The following FAM193A variants were observed in gnomAD, a reference collection of about 807,000 sequenced individuals.
The protein encoded by FAM193A is protein FAM193A.
FAM193A carries 22 observed loss-of-function variants against 126.5 expected under a neutral mutation model. The observed-to-expected ratio is 0.17, with a 90% confidence interval of 0.12 to 0.25. FAM193A has a LOEUF of 0.25. FAM193A is among the 10% of genes least tolerant of loss of function. The pLI, the probability that FAM193A is intolerant of heterozygous loss-of-function variation, is 1.00. For synonymous variants in FAM193A, 761 were observed against 646.8 expected, an observed-to-expected ratio of 1.18 and a Z score of -2.68; for missense variants, 1,675 against 1,672.8, an observed-to-expected ratio of 1.00 and a Z score of -0.02.
Position 2,651,468 on chromosome 4 carries a change from C to G in FAM193A, c.1311+4636C>G, listed in dbSNP as rs1202718124. On this transcript the variant is annotated intron_variant, in intron 7 of 20. Transcript: ENST00000637812. ...ATCATGGCGGAAGGAGAAGAAGAGG[C>G]AAGGCACGTCTTACACAGTGGCAGG... Among the ~76,000 whole-genome samples the G allele has an allele frequency of 4.6e-5, 7 of 152,146 alleles. No homozygotes were observed. The East Asian group carries it at 1.3e-3, about 29-fold the overall frequency.
At chr4:2,648,542 T>C (rs1157464825) in intron 7 of FAM193A, among the ~76,000 whole-genome samples, 1 of 152,224 alleles carries the variant, frequency 6.6e-6, no homozygotes, top group Non-Finnish European at 1.5e-5. Context: ...AGCGACTTCT[T>C]AGCCTGGACT....
chr4:2,671,236 C>G (rs187204849), intron 12 of FAM193A, among the ~76,000 whole-genome samples: 3 of 152,340 alleles, frequency 2.0e-5, no homozygotes, highest in Admixed American at 2.0e-4. Flanking sequence ...TTAAGAAGCC[C>G]TTCCGTGGCG....
At chr4:2,608,240 G>T (rs1741658664) in intron 2 of FAM193A, 1 of 886,428 alleles carries the variant, frequency 1.1e-6, no homozygotes, top group Non-Finnish European at 1.7e-6. Context: ...GTGCAGTGGT[G>T]CAATCCTGAT....
Position 2,689,621 on chromosome 4 carries a change from C to T in FAM193A, c.2447C>T (p.Ser816Phe). Residue 816 changes from serine to phenylalanine, a missense_variant, in exon 14 of 21, where the codon TCT (serine) becomes TTT (phenylalanine). This residue lies in a region of FAM193A where 1,186 missense variants were observed against 1,109.2 expected (regional missense o/e 1.07). Transcript: ENST00000637812. The part of the protein sequence containing the change: ...CFGNTPEWNS[S>F]KFISLWGSEV... ...GGGAATACTCCAGAGTGGAATAGTT[C>T]TAAATTTATAAGTCTTTGGGGATCA... is the stretch of plus-strand genomic sequence containing the variant. 6.4e-7 allele frequency: 1 copy of T among 1,571,940 alleles called. No homozygotes were observed. The highest frequency in any genetic ancestry group is 8.6e-7 in the Non-Finnish European group (1 of 1,164,894).
At chr4:2,549,335 A>G (rs1206318751) in intron 1 of FAM193A, among the ~76,000 whole-genome samples, 3 of 151,612 alleles carry the variant, frequency 2.0e-5, no homozygotes, top group Middle Eastern at 6.8e-3. Flanking sequence ...TGTCATTTCT[A>G]AGATCTCCAT....
In FAM193A at chr4:2,696,385, G is replaced by C; in HGVS notation, c.3299G>C (p.Arg1100Thr). 1 of 1,613,456 alleles carries C rather than the reference G, an allele frequency of 6.2e-7. No homozygotes were observed. The highest frequency in any genetic ancestry group is 8.5e-7 in the Non-Finnish European group (1 of 1,179,506). ...HGGPPAAPTS[R>T]NYAEMREKLR... is the part of the protein sequence containing the mutation. ...CAGCCTCCAGCTGCACCAACAAGTA[G>C]AAATTATGCAGAAATGAGGGAAAAG... is the stretch of plus-strand genomic sequence containing the variant. The change falls in exon 18 of 21, where the codon AGA becomes ACA. Residue 1100 changes from arginine to threonine, a missense_variant. Arg to Thr is a moderately conservative substitution (Grantham distance 71, BLOSUM62 -1). Transcript: ENST00000637812.
intron 13 of FAM193A, among the ~76,000 whole-genome samples, chr4:2,683,725 T>C (rs1376826445): frequency 1.3e-5 from 2 of 152,274 alleles, no homozygotes; most frequent in African/African-American, 4.8e-5. Flanking sequence ...ATTTGGAGAC[T>C]TTTTAGCTAT....
At chr4:2,545,703 A>G (rs1442755404) in intron 1 of FAM193A, among the ~76,000 whole-genome samples, 1 of 152,132 alleles carries the variant, frequency 6.6e-6, no homozygotes, top group Non-Finnish European at 1.5e-5. Flanking sequence ...ATTTTTTGAA[A>G]CAGACTCTGA....
At chr4:2,660,103 T>C (rs2109106013) in intron 10 of FAM193A, 49 bp downstream of exon 10, 2 of 1,580,418 alleles carry the variant, frequency 1.3e-6, no homozygotes, top group South Asian at 1.1e-5. Context: ...GTCGCCCCAG[T>C]AATGAGAAAT....
At chr4:2,565,863 C>T (rs1412905475) in intron 1 of FAM193A, among the ~76,000 whole-genome samples, 2 of 152,090 alleles carry the variant, frequency 1.3e-5, no homozygotes, top group African/African-American at 4.8e-5. Flanking sequence ...AAAGCATTGC[C>T]TATTCTGAAG....
chr4:2,725,566 G>T, intron 20 of FAM193A, among the ~76,000 whole-genome samples: 2 of 147,266 alleles, frequency 1.4e-5, no homozygotes, highest in East Asian at 3.9e-4. Context: ...CTGCTGTATT[G>T]TATAGACTCT....
rs1454941423 is a variant in FAM193A at position 2,731,922 on chromosome 4, C to G, written c.*54C>G. ...AGAGGCAGGCCAGGCTGCACCACCC[C>G]AAGAGCCACGCCCCTCGCTGGCGCC... is the stretch of plus-strand genomic sequence containing the variant. On this transcript the variant is annotated 3_prime_UTR_variant, in exon 21 of 21. Transcript: ENST00000637812. 2 of 1,352,286 alleles carry G rather than the reference C, an allele frequency of 1.5e-6. No homozygotes were observed. The highest frequency in any genetic ancestry group is 2.1e-6 in the Non-Finnish European group (2 of 943,818). 83.8% of individuals were successfully genotyped at this position (1,352,286 alleles called of 1,614,324 possible). A position where few individuals can be genotyped will look rare whatever the true frequency, so the allele number is the denominator to read the frequency against.
chr4:2,634,025 G>T (rs142333959), intron 5 of FAM193A, among the ~76,000 whole-genome samples: 56 of 152,324 alleles, frequency 3.7e-4, no homozygotes, highest in African/African-American at 1.2e-3. Context: ...ATTTGCTGTG[G>T]GTATTTCTTC....
chr4:2,687,071 C>T (rs1314184408), intron 13 of FAM193A, among the ~76,000 whole-genome samples: 2 of 152,046 alleles, frequency 1.3e-5, no homozygotes, highest in Non-Finnish European at 2.9e-5. Context: ...TGAGTGTCTG[C>T]TCTACCCTCC....
Position 2,689,513 on chromosome 4 carries a change from C to G in FAM193A, c.2339C>G (p.Pro780Arg). The part of the protein sequence containing the change: ...TPPFTHSKAL[P>R]PAPVQNHTNK... Reference sequence around the variant, plus strand: ...GAAAATTTTTTTTTGTAGGCTTTACCGCCAGCACCTGTTCAGAATCACACA... The same window carrying G: ...GAAAATTTTTTTTTGTAGGCTTTACGGCCAGCACCTGTTCAGAATCACACA... The change falls in exon 14 of 21, where the codon CCG (proline) becomes CGG (arginine). Residue 780 changes from proline to arginine, a missense_variant. By Grantham distance (103) the Pro-to-Arg change is moderately radical. Coordinates refer to ENST00000637812, the MANE Select transcript of FAM193A (RefSeq NM_001366318.2). 6.5e-7 allele frequency: 1 copy of G among 1,547,412 alleles called. No individual in the cohort carries two copies. The highest frequency in any genetic ancestry group is 8.6e-7 in the Non-Finnish European group (1 of 1,159,266).
In FAM193A at chr4:2,636,907, A is replaced by G. The variant is rs144447691; in HGVS notation, c.1039-2828A>G. 2.0e-4 allele frequency among the ~76,000 whole-genome samples: 30 copies of G among 152,358 alleles called. No individual in the cohort carries two copies. In the East Asian group the frequency reaches 5.6e-3, roughly 28 times the overall value. On this transcript the variant is annotated intron_variant, in intron 5 of 20. Coordinates refer to ENST00000637812, the MANE Select transcript of FAM193A (RefSeq NM_001366318.2). ...CTGAACTCACTGGATACTCTTGGAC[A>G]TAGAAAGGTATTCTCAGAAATGCAA...
intron 20 of FAM193A, among the ~76,000 whole-genome samples, chr4:2,723,959 C>T (rs953773926): frequency 2.6e-5 from 4 of 152,058 alleles, no homozygotes; most frequent in African/African-American, 7.2e-5. Flanking sequence ...CTCCACCACC[C>T]GCTGCCTGAG....
intron 1 of FAM193A, among the ~76,000 whole-genome samples, chr4:2,566,695 G>C (rs1353680926): frequency 6.6e-6 from 1 of 151,866 alleles, no homozygotes; most frequent in Non-Finnish European, 1.5e-5. Context: ...CTCAAAAAAA[G>C]AAAATGGATG....
At chr4:2,612,226 G>A (rs868804104) in intron 2 of FAM193A, among the ~76,000 whole-genome samples, 2 of 151,744 alleles carry the variant, frequency 1.3e-5, no homozygotes, top group Non-Finnish European at 2.9e-5. Flanking sequence ...TGCCCTGGCC[G>A]GGCCGTGGCT....
Sources: gnomAD v4.1 joint callset for allele counts (sites outside exome capture counted in the v4.1 genomes callset) on GRCh38, gnomAD v4.1.1 for gene constraint, gnomAD v4.1.1 regional missense constraint, MANE v1.5 for transcripts, NCBI Gene and HGNC (gene_info 2026-07-23, HGNC 2026-07-21) for gene names.